The following RPS6KA3 variants were observed in gnomAD, a reference collection of about 807,000 sequenced individuals.
RPS6KA3 encodes the protein ribosomal protein S6 kinase A3, also known as ribosomal protein S6 kinase alpha-3.
RPS6KA3 carries 4 observed loss-of-function variants against 67.2 expected under a neutral mutation model. That is an observed-to-expected ratio of 0.06 (90% confidence interval 0.03 to 0.14). The LOEUF is 0.14. RPS6KA3 is among the 10% of genes least tolerant of loss of function. The pLI is 1.00. For synonymous variants in RPS6KA3, 182 were observed against 183.7 expected (o/e 0.99, Z 0.07); for missense variants, 204 against 559.0 (o/e 0.36, Z 6.40).
intron 20 of RPS6KA3, among the ~76,000 whole-genome samples, chrX:20,157,501 C>CAAAAAAAAA (rs1197154800): frequency 2.0e-5 from 1 of 49,931 alleles, no homozygotes. Flanking sequence ...GACCCTGTCT[C>CAAAAAAAAA]AAAAAAAAAA....
At chrX:20,194,464 C>T (rs2068220019) in intron 5 of RPS6KA3, among the ~76,000 whole-genome samples, 196 bp from the exon 6 acceptor site, 1 of 111,540 alleles carries the variant, frequency 9.0e-6, no homozygotes, top group Non-Finnish European at 1.9e-5. Context: ...TATGGAATCA[C>T]TAGATTTTCA....
intron 2 of RPS6KA3, among the ~76,000 whole-genome samples, chrX:20,218,115 C>A (rs1425438114): frequency 8.9e-6 from 1 of 112,176 alleles, no homozygotes. Context: ...TCCCGATCAG[C>A]AAATTTAATT....
intron 20 of RPS6KA3, among the ~76,000 whole-genome samples, chrX:20,161,211 G>T (rs1013065685): frequency 8.9e-6 from 1 of 112,118 alleles, no homozygotes; most frequent in African/African-American, 3.2e-5. Context: ...ATCATATTTA[G>T]TTTGAAGCAC....
intron 16 of RPS6KA3, among the ~76,000 whole-genome samples, chrX:20,169,172 T>TA (rs1202058609): frequency 1.8e-5 from 2 of 111,359 alleles, no homozygotes; most frequent in East Asian, 5.7e-4. Context: ...AAAAAAAAAT[T>TA]TTTTTTTGTA....
intron 18 of RPS6KA3, among the ~76,000 whole-genome samples, chrX:20,164,437 AGTGCAGTG>A (rs770428763): frequency 2.6e-4 from 25 of 95,381 alleles, no homozygotes; most frequent in African/African-American, 1.0e-3. Flanking sequence ...CCCAGGCTGG[AGTGCAGTG>A]GTGTGATCTT....
intron 17 of RPS6KA3, among the ~76,000 whole-genome samples, chrX:20,165,832 G>T (rs2067421501): frequency 9.0e-6 from 1 of 111,214 alleles, no homozygotes; most frequent in Non-Finnish European, 1.9e-5. Context: ...CTCTTTTAAT[G>T]ATCTACCTGA....
intron 2 of RPS6KA3, among the ~76,000 whole-genome samples, chrX:20,228,648 C>T (rs1035761576): frequency 1.8e-5 from 2 of 111,398 alleles, no homozygotes; most frequent in Non-Finnish European, 3.8e-5. Flanking sequence ...CCATGCCATA[C>T]GTCCATGTTC....
rs1330303412 is a variant in RPS6KA3, at chrX:20,180,187, T to C, written c.846-3103A>G. ...GTTTCAAGTAATGATTATTAATGGA[T>C]AGAACCATTAGTTAAAAGCATGCCA... On this transcript the variant is annotated intron_variant, in intron 10 of 21. Transcript: ENST00000379565. Among the ~76,000 whole-genome samples the C allele has an allele frequency of 2.7e-5, 3 of 110,102 alleles. No homozygotes were observed. The East Asian group carries it at 8.6e-4, about 31-fold the overall frequency.
At chrX:20,202,831 G>A (rs2068475393) in intron 4 of RPS6KA3, among the ~76,000 whole-genome samples, 1 of 112,140 alleles carries the variant, frequency 8.9e-6, no homozygotes, top group African/African-American at 3.2e-5. Flanking sequence ...TTGTAACATG[G>A]GATTCATGAG....
rs1019014271 is a variant in RPS6KA3, at chrX:20,150,017, A to G, written c.*5381T>C. 8.8e-6 allele frequency: 1 copy of G among 113,411 alleles called. No individual in the cohort carries two copies. The highest frequency in any genetic ancestry group is 2.7e-4 in the East Asian group (1 of 3,647). The allele number at this position is 113,411 out of a possible 1,213,427, so 9.3% of individuals were successfully genotyped here. A position where few individuals can be genotyped will look rare whatever the true frequency, so the allele number is the denominator to read the frequency against. ...AATATTGTTCCAGGATTATTCATGG[A>G]TACATCTGAAGAGCTTAGATTACAC... On this transcript the variant is annotated 3_prime_UTR_variant, in exon 22 of 22. Transcript: ENST00000379565.
At chrX:20,243,391 A>C (rs1054490661) in intron 1 of RPS6KA3, among the ~76,000 whole-genome samples, 8 of 112,340 alleles carry the variant, frequency 7.1e-5, no homozygotes, top group Admixed American at 1.9e-4. Flanking sequence ...GTGTTCAATA[A>C]ATATTTGTTG....
intron 2 of RPS6KA3, among the ~76,000 whole-genome samples, chrX:20,227,483 G>C (rs2069151105): frequency 9.0e-6 from 1 of 111,379 alleles, no homozygotes; most frequent in South Asian, 3.7e-4. Context: ...ATGCTGAAAA[G>C]TCTAATATTC....
chrX:20,226,636 A>G (rs1770340262), intron 2 of RPS6KA3, among the ~76,000 whole-genome samples: 2 of 112,210 alleles, frequency 1.8e-5, no homozygotes, highest in Admixed American at 1.9e-4. Context: ...ACCAGTTACA[A>G]CTACTTTTTA....
At chrX:20,260,721 C>T (rs990255958) in intron 1 of RPS6KA3, among the ~76,000 whole-genome samples, 3 of 111,900 alleles carry the variant, frequency 2.7e-5, no homozygotes, top group Non-Finnish European at 3.8e-5. Context: ...AAACCATGTA[C>T]TGAACCAAGT....
At chrX:20,200,682 T>A (rs1156697905) in intron 4 of RPS6KA3, among the ~76,000 whole-genome samples, 2 of 111,366 alleles carry the variant, frequency 1.8e-5, no homozygotes, top group Non-Finnish European at 3.8e-5. Flanking sequence ...GTTTCTCTAT[T>A]TTTCCTTATT....
At chrX:20,238,907 G>A (rs748942689) in intron 1 of RPS6KA3, among the ~76,000 whole-genome samples, 2 of 111,326 alleles carry the variant, frequency 1.8e-5, no homozygotes, top group Non-Finnish European at 3.8e-5. Flanking sequence ...TTTCCCATTT[G>A]GAAAATGACG....
At chrX:20,264,491 T>C (rs1285679371) in intron 1 of RPS6KA3, among the ~76,000 whole-genome samples, 1 of 112,426 alleles carries the variant, frequency 8.9e-6, no homozygotes, top group African/African-American at 3.2e-5. Context: ...ATTATGGCTC[T>C]GCCATTTACT....
At chrX:20,219,438 A>G (rs922659910) in intron 2 of RPS6KA3, among the ~76,000 whole-genome samples, 1 of 112,019 alleles carries the variant, frequency 8.9e-6, no homozygotes, top group Non-Finnish European at 1.9e-5. Context: ...CACAGGCAAG[A>G]AACTTTTAAA....
chrX:20,216,781 G>A (rs1319246742), intron 2 of RPS6KA3, among the ~76,000 whole-genome samples: 2 of 110,743 alleles, frequency 1.8e-5, no homozygotes, highest in East Asian at 5.7e-4. Flanking sequence ...TGAAAGAGAG[G>A]TAGAGAAGAA....
Sources: allele counts gnomAD v4.1 joint callset (sites outside exome capture counted in the v4.1 genomes callset), GRCh38; gene constraint gnomAD v4.1.1; transcripts MANE v1.5; gene names NCBI Gene and HGNC (gene_info 2026-07-23, HGNC 2026-07-21).